Variants in CRIM1 observed in about 807,000 individuals in gnomAD.
CRIM1 encodes the protein cysteine rich transmembrane BMP regulator 1, also known as cysteine-rich motor neuron 1 protein.
CRIM1 carries 32 observed loss-of-function variants against 116.4 expected under a neutral mutation model. The ratio of observed to expected loss-of-function variants is 0.27; its 90% confidence interval spans 0.21 to 0.37. The LOEUF is 0.37. CRIM1 is among the 10% of genes least tolerant of loss of function. The pLI is 1.00. For missense variants in CRIM1, 1,331 were observed against 1,354.8 expected (o/e 0.98, Z 0.28); for synonymous variants, 590 against 509.2 (o/e 1.16, Z -2.13).
In CRIM1 at chr2:36,476,997, T is replaced by A; in HGVS notation, c.1100T>A (p.Phe367Tyr). ...TGCCAAGGGGGCGTTGCCATCTGCT[T>A]CACCGCCCAGTGTGGTGAGATAAAC... ...CRCQGGVAIC[F>Y]TAQCGEINCE... The change falls in exon 6 of 17, where the codon TTC (phenylalanine) becomes TAC (tyrosine). Residue 367 changes from phenylalanine to tyrosine, a missense_variant. Physicochemically the swap from Phe to Tyr is conservative, Grantham distance 22 (BLOSUM62 3). Coordinates refer to ENST00000280527, the MANE Select transcript of CRIM1 (RefSeq NM_016441.3). 1.2e-6 allele frequency: 2 copies of A among 1,614,136 alleles called. No homozygotes were observed. Among genetic ancestry groups the A allele is most frequent in the Non-Finnish European group, 1.7e-6 (2 of 1,179,962 alleles).
intron 11 of CRIM1, among the ~76,000 whole-genome samples, chr2:36,516,209 A>G (rs1286511361): frequency 6.6e-6 from 1 of 152,216 alleles, no homozygotes; most frequent in Non-Finnish European, 1.5e-5. Flanking sequence ...TTTGAAAGTC[A>G]TAGCCCCAAT....
At position 36,356,548 on chromosome 2, in the gene CRIM1, CG is replaced by C; in HGVS notation, c.261del (p.Leu88CysfsTer48). On this transcript the variant is annotated frameshift_variant, in exon 1 of 17. Coordinates refer to ENST00000280527, the MANE Select transcript of CRIM1 (RefSeq NM_016441.3). LOFTEE classifies it high-confidence loss of function. This position sits in a 1 kb window ranked among gnomAD's most constrained non-coding sequence, Gnocchi z 4.3. Reference protein sequence around the residue: ...GTFGIYGTCDRGLRCVIRPPL... With the variant: ...GTFGIYGTCDXGLRCVIRPPL... ...CTTCGGGATTTACGGAACCTGCGAC[CG>C]GGGGCTGCGTTGTGTCATCCGCCCC... The C allele has an allele frequency of 6.2e-7, 1 of 1,612,670 alleles. No individual in the cohort carries two copies.
At chr2:36,394,186 C>T (rs1671835918) in intron 1 of CRIM1, among the ~76,000 whole-genome samples, 1 of 152,078 alleles carries the variant, frequency 6.6e-6, no homozygotes, top group African/African-American at 2.4e-5. Context: ...ATAAAGATTT[C>T]CTCTTAAAAC....
intron 5 of CRIM1, among the ~76,000 whole-genome samples, chr2:36,474,136 G>C (rs1230249827): frequency 6.6e-6 from 1 of 152,010 alleles, no homozygotes; most frequent in Non-Finnish European, 1.5e-5. Context: ...GTCCATTTCT[G>C]TCTTATTTGA....
chr2:36,391,900 T>A (rs1671639909), intron 1 of CRIM1, among the ~76,000 whole-genome samples: 1 of 152,208 alleles, frequency 6.6e-6, no homozygotes, highest in Admixed American at 6.5e-5. Flanking sequence ...CCGTGTACTT[T>A]CAGTAAAGCA....
At chr2:36,432,893 C>G (rs73924830) in intron 2 of CRIM1, among the ~76,000 whole-genome samples, 1,921 of 152,116 alleles carry the variant, frequency 0.013, 39 homozygotes, top group African/African-American at 0.044. Flanking sequence ...TAATCTTCTC[C>G]TAGGGTTTTT....
chr2:36,407,956 G>A (rs548086644), intron 2 of CRIM1, among the ~76,000 whole-genome samples: 1 of 151,836 alleles, frequency 6.6e-6, no homozygotes, highest in East Asian at 1.9e-4. Flanking sequence ...TCTTAACTCT[G>A]AGCTTTGAAG....
rs569757410 is a variant in CRIM1, at chr2:36,405,075, T to G, written c.505+8288T>G. On this transcript the variant is annotated intron_variant, in intron 2 of 16. Transcript: ENST00000280527. ...GCCTAATAAAATGTTGTAAATCTTA[T>G]GTCATCTGTAATGTTTGTCAGTAAA... Among the ~76,000 whole-genome samples the G allele has an allele frequency of 2.6e-5, 4 of 152,346 alleles. No homozygotes were observed. In the South Asian group the frequency reaches 6.2e-4, roughly 24 times the overall value.
chr2:36,391,665 T>C (rs552555770), intron 1 of CRIM1, among the ~76,000 whole-genome samples: 2 of 152,332 alleles, frequency 1.3e-5, no homozygotes, highest in South Asian at 4.1e-4. Context: ...ACAGCAGTTC[T>C]CAAAGTGTGG....
chr2:36,411,815 A>G (rs1040854095), intron 2 of CRIM1, among the ~76,000 whole-genome samples: 6 of 152,208 alleles, frequency 3.9e-5, no homozygotes, highest in Non-Finnish European at 7.3e-5. Flanking sequence ...CCCGTGAGAT[A>G]CATTCCAGTG....
At chr2:36,435,791 A>T (rs1320683793) in intron 2 of CRIM1, among the ~76,000 whole-genome samples, 2 of 152,126 alleles carry the variant, frequency 1.3e-5, no homozygotes, top group African/African-American at 4.8e-5. Flanking sequence ...AAATCATTTT[A>T]TATTGGGTGA....
At chr2:36,545,805 C>CTATTTGATTTGGAATATGGGAAAGTAAA (rs1667283329) in intron 15 of CRIM1, among the ~76,000 whole-genome samples, 1 of 152,088 alleles carries the variant, frequency 6.6e-6, no homozygotes, top group Non-Finnish European at 1.5e-5. Flanking sequence ...AAACTGCTTT[C>CTATTTGATTTGGAATATGGGAAAGTAAA]TATTTGATTT....
chr2:36,367,995 C>T (rs1161801298), intron 1 of CRIM1, among the ~76,000 whole-genome samples: 3 of 152,132 alleles, frequency 2.0e-5, no homozygotes, highest in Non-Finnish European at 4.4e-5. Flanking sequence ...CCAAAACTTG[C>T]CCAAATTCAC....
At chr2:36,534,181 A>G (rs1572948129) in intron 13 of CRIM1, among the ~76,000 whole-genome samples, 1 of 105,756 alleles carries the variant, frequency 9.5e-6, no homozygotes, top group Non-Finnish European at 1.9e-5. Context: ...GGAAGGAGGG[A>G]GTGGGAAGGA....
Position 36,499,324 on chromosome 2 carries a change from G to T in CRIM1, c.1478G>T (p.Cys493Phe). 1 of 1,614,128 alleles carries T rather than the reference G, an allele frequency of 6.2e-7. No homozygotes were observed. Among genetic ancestry groups the T allele is most frequent in the Non-Finnish European group, 8.5e-7 (1 of 1,179,988 alleles). Reference sequence around the variant, plus strand: ...GGTTTCAAACGCGATCACAATGGTTGTCGGACCTGTCAGTGCATAAACAGT... The same window carrying T: ...GGTTTCAAACGCGATCACAATGGTTTTCGGACCTGTCAGTGCATAAACAGT... ...INGFKRDHNGCRTCQCINTEE... is the reference protein window; with the variant it reads ...INGFKRDHNGFRTCQCINTEE... The change falls in exon 8 of 17, where the codon TGT (cysteine) becomes TTT (phenylalanine). Residue 493 changes from cysteine to phenylalanine, a missense_variant. By Grantham distance (205) the Cys-to-Phe change is radical (BLOSUM62 -2). This residue lies in a region of CRIM1 where 690 missense variants were observed against 676.0 expected (regional missense o/e 1.02). Transcript: ENST00000280527.
chr2:36,474,006 A>G (rs1433386618), intron 5 of CRIM1, among the ~76,000 whole-genome samples: 3 of 152,122 alleles, frequency 2.0e-5, no homozygotes, highest in Admixed American at 2.0e-4. Flanking sequence ...CATCCTCATC[A>G]GTGCTCGTTA....
At chr2:36,457,417 A>AG (rs1677220611) in intron 4 of CRIM1, among the ~76,000 whole-genome samples, 1 of 152,208 alleles carries the variant, frequency 6.6e-6, no homozygotes. Context: ...GTGTTGAAGA[A>AG]GGTACAGTTT....
chr2:36,529,661 G>A (rs763997634), intron 13 of CRIM1: 1 of 155,428 alleles, frequency 6.4e-6, no homozygotes, highest in Non-Finnish European at 1.4e-5. Flanking sequence ...TTAACACAAG[G>A]AGTAAGCTCT....
At chr2:36,456,700 C>T (rs757204170) in intron 4 of CRIM1, among the ~76,000 whole-genome samples, 7 of 152,180 alleles carry the variant, frequency 4.6e-5, no homozygotes, top group Non-Finnish European at 8.8e-5. Flanking sequence ...GGATTTCTGC[C>T]AGATCCCAGC....
Sources: allele counts gnomAD v4.1 joint callset (sites outside exome capture counted in the v4.1 genomes callset), GRCh38; gene constraint gnomAD v4.1.1; regional missense constraint gnomAD v4.1.1; non-coding constraint Gnocchi (gnomAD v3.1); transcripts MANE v1.5; gene names NCBI Gene and HGNC (gene_info 2026-07-23, HGNC 2026-07-21).